Variants in DLG2 observed in about 807,000 individuals in gnomAD.
DLG2 encodes the protein discs large MAGUK scaffold protein 2.
DLG2 carries 45 observed loss-of-function variants against 132.5 expected under a neutral mutation model. The ratio of observed to expected loss-of-function variants is 0.34; its 90% CI spans 0.27 to 0.44. DLG2 has a LOEUF of 0.44. Ranked by LOEUF, DLG2 falls within the 20% of genes least tolerant of loss-of-function variation. The pLI is 1.00. For missense variants in DLG2, 1,045 were observed against 1,196.9 expected, an observed-to-expected ratio of 0.87 and a Z score of 1.87; for synonymous variants, 424 against 419.6, an observed-to-expected ratio of 1.01 and a Z score of -0.13.
intron 6 of DLG2, among the ~76,000 whole-genome samples, chr11:84,995,882 G>A (rs568678633): frequency 6.6e-6 from 1 of 152,170 alleles, no homozygotes; most frequent in Admixed American, 6.5e-5. Flanking sequence ...CTTTTCCACA[G>A]AGATACCTGC....
At chr11:83,482,726 A>T (rs2093222821) in intron 22 of DLG2, among the ~76,000 whole-genome samples, 1 of 152,188 alleles carries the variant, frequency 6.6e-6, no homozygotes, top group South Asian at 2.1e-4. Flanking sequence ...AATCTCCAGT[A>T]GCTTAAAATT....
chr11:85,011,550 C>T (rs981600427), intron 6 of DLG2, among the ~76,000 whole-genome samples: 6 of 152,168 alleles, frequency 3.9e-5, no homozygotes, highest in African/African-American at 1.4e-4. Context: ...AAAATACTTT[C>T]TTTGACTTCG....
At chr11:85,563,273 T>G (rs1202566951) in intron 3 of DLG2, among the ~76,000 whole-genome samples, 1 of 151,850 alleles carries the variant, frequency 6.6e-6, no homozygotes, top group African/African-American at 2.4e-5. Flanking sequence ...TTGATGCATT[T>G]TGACAAATGT....
At position 83,469,300 on chromosome 11, in the gene DLG2, C is replaced by G; in HGVS notation, c.2520G>C (p.Met840Ile). ...DYHFVISREQ[M>I]EKDIQEHKFI... ...ACTTGTGCTCTTGGATATCTTTCTC[C>G]ATTTGTTCTCTGGAAATGACAAAGT... The change falls in exon 25 of 28, where the codon ATG (methionine) becomes ATC (isoleucine). Residue 840 changes from methionine (M) to isoleucine (I), a missense_variant. Physicochemically the swap from Met to Ile is conservative, Grantham distance 10. Transcript: ENST00000376104. The G allele has an allele frequency of 6.2e-7, 1 of 1,613,814 alleles. No homozygotes were observed. The highest frequency in any genetic ancestry group is 8.5e-7 in the Non-Finnish European group (1 of 1,179,828).
intron 6 of DLG2, among the ~76,000 whole-genome samples, chr11:84,655,618 G>T (rs1432083968): frequency 6.6e-6 from 1 of 152,126 alleles, no homozygotes; most frequent in Non-Finnish European, 1.5e-5. Context: ...CAGAAGATCT[G>T]GGTGTGACTC....
In DLG2 at chr11:84,188,803, T is replaced by G. The variant is rs1439818656; in HGVS notation, c.574-25292A>C. Reference sequence around the variant, plus strand: ...CAGCCACTAAGCAAAAAGCCTGGACTCAGTGATTATTTATTTAAAAAAAAA... The same window carrying G: ...CAGCCACTAAGCAAAAAGCCTGGACGCAGTGATTATTTATTTAAAAAAAAA... On this transcript the variant is annotated intron_variant, in intron 8 of 27. Transcript: ENST00000376104. Among the ~76,000 whole-genome samples the G allele has an allele frequency of 3.9e-5, 6 of 152,126 alleles. No homozygotes were observed. The East Asian group carries it at 1.2e-3, about 30-fold the overall frequency.
intron 11 of DLG2, among the ~76,000 whole-genome samples, chr11:84,041,923 T>C (rs929945702): frequency 3.9e-5 from 6 of 151,904 alleles, no homozygotes; most frequent in African/African-American, 1.2e-4. Flanking sequence ...CTGATGGTTT[T>C]AAAACTGGGA....
chr11:83,496,741 T>C (rs1054004732), intron 21 of DLG2, among the ~76,000 whole-genome samples: 7 of 152,154 alleles, frequency 4.6e-5, no homozygotes, highest in Admixed American at 3.3e-4. Flanking sequence ...AAAACTAAGC[T>C]ATGGTGGTAG....
At chr11:85,476,837 T>C (rs1030526692) in intron 3 of DLG2, among the ~76,000 whole-genome samples, 2 of 152,156 alleles carry the variant, frequency 1.3e-5, no homozygotes, top group Non-Finnish European at 2.9e-5. Context: ...CTGAGGCTGT[T>C]GTTCAGTTAA....
chr11:84,812,246 T>C (rs1377634818), intron 6 of DLG2, among the ~76,000 whole-genome samples: 1 of 152,158 alleles, frequency 6.6e-6, no homozygotes, highest in East Asian at 1.9e-4. Context: ...GCTTAAGACT[T>C]TGAACTCCAG....
intron 3 of DLG2, among the ~76,000 whole-genome samples, chr11:85,342,529 G>A (rs565287457): frequency 5.9e-5 from 9 of 152,052 alleles, no homozygotes; most frequent in African/African-American, 1.9e-4. Flanking sequence ...CGGTTTTCCA[G>A]GTAACTATTT....
intron 2 of DLG2, among the ~76,000 whole-genome samples, chr11:85,609,946 G>A (rs191969554): frequency 6.6e-6 from 1 of 152,290 alleles, no homozygotes; most frequent in African/African-American, 2.4e-5. Context: ...TGTTATGCCT[G>A]AAAGTCCCAC....
intron 7 of DLG2, among the ~76,000 whole-genome samples, chr11:84,463,515 C>T (rs1419442537): frequency 2.0e-5 from 3 of 151,124 alleles, no homozygotes; most frequent in Admixed American, 1.3e-4. Flanking sequence ...TGCCTGAGCT[C>T]AACACCGCTT....
chr11:83,857,817 C>CTTT (rs34112412), intron 16 of DLG2, among the ~76,000 whole-genome samples: 2 of 145,380 alleles, frequency 1.4e-5, no homozygotes, highest in African/African-American at 2.5e-5. Context: ...ATTTTCTGCT[C>CTTT]TTTTTTTTTT....
At chr11:85,145,678 T>TA (rs1287700479) in intron 5 of DLG2, among the ~76,000 whole-genome samples, 1 of 152,016 alleles carries the variant, frequency 6.6e-6, no homozygotes, top group Non-Finnish European at 1.5e-5. Context: ...CTTGATTATT[T>TA]AAAAAATTAT....
chr11:84,790,242 G>A (rs900141426), intron 6 of DLG2, among the ~76,000 whole-genome samples: 6 of 152,102 alleles, frequency 3.9e-5, no homozygotes, highest in African/African-American at 1.4e-4. Context: ...ATCCTCTCCA[G>A]CATTTGTTAT....
intron 6 of DLG2, among the ~76,000 whole-genome samples, chr11:84,649,632 T>C (rs561634717): frequency 5.3e-5 from 8 of 152,334 alleles, no homozygotes; most frequent in Middle Eastern, 3.4e-3. Context: ...GGGGAAGTTA[T>C]GCAAAAATGT....
At chr11:84,660,657 G>A (rs2099693557) in intron 6 of DLG2, among the ~76,000 whole-genome samples, 1 of 152,064 alleles carries the variant, frequency 6.6e-6, no homozygotes, top group East Asian at 1.9e-4. Context: ...TGTAAAAGAA[G>A]GAAAATCTAC....
At chr11:85,009,204 A>G (rs1433985663) in intron 6 of DLG2, among the ~76,000 whole-genome samples, 1 of 152,140 alleles carries the variant, frequency 6.6e-6, no homozygotes, top group Non-Finnish European at 1.5e-5. Context: ...TATAAGACCT[A>G]TTAATCTCCA....
Sources: gnomAD v4.1 joint callset for allele counts (sites outside exome capture counted in the v4.1 genomes callset) on GRCh38, gnomAD v4.1.1 for gene constraint, MANE v1.5 for transcripts, NCBI Gene and HGNC (gene_info 2026-07-23, HGNC 2026-07-21) for gene names.